FANCE: variants seen among roughly 807,000 people sequenced by gnomAD.
FANCE encodes the protein FA complementation group E, also known as Fanconi anemia group E protein.
FANCE carries 42 observed loss-of-function variants against 57.8 expected under a neutral mutation model. The observed-to-expected ratio is 0.73, with a 90% CI of 0.57 to 0.94. The LOEUF (loss-of-function observed/expected upper bound fraction) is 0.94. Among genes scored for constraint, FANCE ranks in the 40% least tolerant of loss-of-function variants. The probability of loss-of-function intolerance (pLI) is 0.00; values close to 1 mark genes in which losing one functional copy is unlikely to be tolerated. For missense variants in FANCE, 608 were observed against 661.8 expected, an observed-to-expected ratio of 0.92 and a Z score of 0.89; for synonymous variants, 251 against 286.4, an observed-to-expected ratio of 0.88 and a Z score of 1.25.
intron 7 of FANCE, 97 bp downstream of exon 7, chr6:35,459,857 T>G: frequency 9.8e-7 from 1 of 1,023,322 alleles, no homozygotes; most frequent in Non-Finnish European, 1.6e-6. Context: ...AGGCTTACCT[T>G]CTCTAGGAAG....
At position 35,466,611 on chromosome 6, in the gene FANCE, C is replaced by A; in HGVS notation, c.*266C>A. The A allele has an allele frequency of 2.1e-6, 1 of 476,760 alleles. No homozygotes were observed. The highest frequency in any genetic ancestry group is 2.1e-5 in the South Asian group (1 of 48,226). 29.5% of individuals were successfully genotyped at this position (476,760 alleles called of 1,614,324 possible). On this transcript the variant is annotated 3_prime_UTR_variant, in exon 10 of 10. Coordinates refer to ENST00000229769, the MANE Select transcript of FANCE (RefSeq NM_021922.3). ...AGAAGGTATTGCTCTGTCATCCAGG[C>A]TGGAGTGCAGTGATGCGATTGATCA...
At position 35,454,184 on chromosome 6, in the gene FANCE, C is replaced by T. The variant is rs1581697843; in HGVS notation, c.248+1391C>T. 2.0e-5 allele frequency among the ~76,000 whole-genome samples: 3 copies of T among 152,116 alleles called. No homozygotes were observed. In the South Asian group the frequency reaches 6.2e-4, roughly 31 times the overall value. The stretch of plus-strand genomic sequence containing the variant: ...AGAAGCAATTCTTCTGCCCCAGCCT[C>T]CTGAGTAGCTGGGACTACAGGCGCG... On this transcript the variant is annotated intron_variant, in intron 1 of 9. Coordinates refer to ENST00000229769, the MANE Select transcript of FANCE (RefSeq NM_021922.3).
chr6:35,463,334 T>C (rs1358671543), intron 9 of FANCE, among the ~76,000 whole-genome samples: 1 of 151,708 alleles, frequency 6.6e-6, no homozygotes, highest in East Asian at 1.9e-4. Flanking sequence ...AAACCCTGAG[T>C]GCTAGCCAGA....
At position 35,457,906 on chromosome 6, in the gene FANCE, G is replaced by A; in HGVS notation, c.901-10G>A. ...CTCTGCCAGCCCTAACATGAGATTT[G>A]TCTCCCCAGGGGTTAGAGGGATTGG... On this transcript the variant is annotated splice_polypyrimidine_tract_variant and intron_variant, in intron 3 of 9. Coordinates refer to ENST00000229769, the MANE Select transcript of FANCE (RefSeq NM_021922.3). 6.2e-7 allele frequency: 1 copy of A among 1,613,496 alleles called. No homozygotes were observed. Among genetic ancestry groups the A allele is most frequent in the Non-Finnish European group, 8.5e-7 (1 of 1,179,452 alleles).
Position 35,452,621 on chromosome 6 carries a change from G to A in FANCE, c.76G>A (p.Ala26Thr), listed in dbSNP as rs1468968855. 1.6e-6 allele frequency: 2 copies of A among 1,281,238 alleles called. No homozygotes were observed. The highest frequency in any genetic ancestry group is 2.7e-5 in the South Asian group (1 of 36,794). The allele number at this position is 1,281,238 out of a possible 1,614,324, so 79.4% of individuals were successfully genotyped here. A position where few individuals can be genotyped will look rare whatever the true frequency, so the allele number is the denominator to read the frequency against. Reference protein sequence around the residue: ...PAPWAQLEAPARLLLQALQAG... With the variant: ...PAPWAQLEAPTRLLLQALQAG... ...GCCCTGGGCGCAGCTGGAGGCCCCC[G>A]CCCGCCTCCTGCTGCAGGCGCTGCA... is the stretch of plus-strand genomic sequence containing the variant. Residue 26 changes from alanine to threonine, a missense_variant, in exon 1 of 10, where the codon GCC (alanine) becomes ACC (threonine). Ala to Thr is a moderately conservative substitution (Grantham distance 58). Transcript: ENST00000229769.
At chr6:35,453,919 A>G (rs1767213827) in intron 1 of FANCE, among the ~76,000 whole-genome samples, 1 of 152,194 alleles carries the variant, frequency 6.6e-6, no homozygotes, top group Non-Finnish European at 1.5e-5. Context: ...ATATTTTATC[A>G]AATGCATTTA....
intron 8 of FANCE, 101 bp from the exon 9 acceptor site, chr6:35,462,688 C>G: frequency 6.5e-7 from 1 of 1,533,998 alleles, no homozygotes; most frequent in Non-Finnish European, 8.9e-7. Flanking sequence ...CCAGGGTCAC[C>G]TAGCTAGGAA....
rs373465093 is a variant in FANCE at position 35,466,361 on chromosome 6, C to A, written c.*16C>A. 129 of 1,501,586 alleles carry A rather than the reference C, an allele frequency of 8.6e-5. No individual in the cohort carries two copies. The highest frequency in any genetic ancestry group is 1.2e-4 in the Non-Finnish European group (124 of 1,077,338). The allele number at this position is 1,501,586 out of a possible 1,614,324, so 93.0% of individuals were successfully genotyped here. ...GGGCCCCTGACCATCCACCAAGGGA[C>A]CACCCTCTTGGTGCTCCATCACCAG... On this transcript the variant is annotated 3_prime_UTR_variant, in exon 10 of 10. Transcript: ENST00000229769.
chr6:35,460,394 G>A (rs566328237), intron 7 of FANCE, among the ~76,000 whole-genome samples, 158 bp from the exon 8 acceptor site: 2 of 152,312 alleles, frequency 1.3e-5, no homozygotes, highest in South Asian at 4.1e-4. Context: ...GGGATTACAG[G>A]TGTGAGCCAC....
Position 35,454,511 on chromosome 6 carries a change from G to A in FANCE, c.249-1236G>A, listed in dbSNP as rs997092272. On this transcript the variant is annotated intron_variant, in intron 1 of 9. Transcript: ENST00000229769. ...CCTGCAAAATTATGCATAGGGAGGAGTAGAGACGTGAGGGGTGGTGGGCTA... is the reference window on the plus strand; with the variant it reads ...CCTGCAAAATTATGCATAGGGAGGAATAGAGACGTGAGGGGTGGTGGGCTA... Among the ~76,000 whole-genome samples the A allele has an allele frequency of 2.6e-5, 4 of 152,164 alleles. No individual in the cohort carries two copies. The East Asian group carries it at 7.7e-4, about 29-fold the overall frequency.
intron 9 of FANCE, among the ~76,000 whole-genome samples, chr6:35,463,625 G>A (rs1381909026): frequency 4.0e-5 from 6 of 151,558 alleles, no homozygotes; most frequent in African/African-American, 1.5e-4. Context: ...GAGCAAGTGA[G>A]CTTTGTTTGT....
At chr6:35,454,372 T>G (rs2150888106) in intron 1 of FANCE, among the ~76,000 whole-genome samples, 1 of 152,340 alleles carries the variant, frequency 6.6e-6, no homozygotes, top group Non-Finnish European at 1.5e-5. Context: ...CCAGCCCATC[T>G]TTTAAACTTT....
In FANCE at chr6:35,455,764, G is replaced by T. The variant is rs45600543; in HGVS notation, c.266G>T (p.Arg89Leu). The T allele has an allele frequency of 4.9e-4, 786 of 1,614,038 alleles. 5 individuals are homozygous for T. In the East Asian group the frequency reaches 0.012, roughly 25 times the overall value. Residue 89 changes from arginine (R) to leucine (L), a missense_variant, in exon 2 of 10, where the codon CGA becomes CTA. Arg to Leu is a moderately radical substitution (Grantham distance 102). Coordinates refer to ENST00000229769, the MANE Select transcript of FANCE (RefSeq NM_021922.3). ...CTACCCAGGAAACCACTGTTGCTGC[G>T]ATTGCCCCGGATATGCCAGAGGAAC... ...GRLELKPLLL[R>L]LPRICQRNLM...
chr6:35,460,835 TG>T (rs921030111), intron 8 of FANCE, among the ~76,000 whole-genome samples: 1 of 152,034 alleles, frequency 6.6e-6, no homozygotes, highest in South Asian at 2.1e-4. Flanking sequence ...TCTTACCAGC[TG>T]GGGGGGCCTT....
In FANCE at chr6:35,453,118, C is replaced by T. The variant is rs191193592; in HGVS notation, c.248+325C>T. ...TAAAGTGTACACATGTGTTAAAATA[C>T]GTACATTTTAAAGTACAAAAATAGA... On this transcript the variant is annotated intron_variant, in intron 1 of 9. Transcript: ENST00000229769. 8.8e-4 allele frequency among the ~76,000 whole-genome samples: 134 copies of T among 152,308 alleles called. 1 individual carries two copies. The highest frequency in any genetic ancestry group is 3.2e-3 in the African/African-American group (131 of 41,572).
intron 9 of FANCE, among the ~76,000 whole-genome samples, chr6:35,465,732 A>G (rs1375529987): frequency 6.6e-6 from 1 of 152,174 alleles, no homozygotes; most frequent in Non-Finnish European, 1.5e-5. Context: ...ACTTCATCAG[A>G]TCTGTACTAT....
intron 5 of FANCE, among the ~76,000 whole-genome samples, chr6:35,459,079 C>G (rs1767478477): frequency 6.6e-6 from 1 of 152,168 alleles, no homozygotes; most frequent in African/African-American, 2.4e-5. Context: ...GCCACCATGC[C>G]CAGCTGGCAT....
intron 8 of FANCE, among the ~76,000 whole-genome samples, chr6:35,461,220 G>A (rs1181198506): frequency 1.3e-5 from 2 of 152,204 alleles, no homozygotes; most frequent in African/African-American, 4.8e-5. Context: ...AGTAGAGACA[G>A]GGTTTCACCA....
intron 9 of FANCE, among the ~76,000 whole-genome samples, chr6:35,463,648 G>C (rs1767684387): frequency 1.3e-5 from 2 of 151,698 alleles, no homozygotes; most frequent in South Asian, 4.2e-4. Flanking sequence ...TTGGGAATTG[G>C]GACGGGCTTC....
Sources: gnomAD v4.1 joint callset for allele counts (sites outside exome capture counted in the v4.1 genomes callset) on GRCh38, gnomAD v4.1.1 for gene constraint, MANE v1.5 for transcripts, NCBI Gene and HGNC (gene_info 2026-07-23, HGNC 2026-07-21) for gene names.